Variants in SCN1A observed in about 807,000 individuals in gnomAD.
The protein encoded by SCN1A is sodium channel protein type 1 subunit alpha.
In SCN1A, 13 loss-of-function variants were observed where a neutral mutation model predicts 193.7. The observed-to-expected ratio is 0.07, with a 90% CI of 0.04 to 0.11. The LOEUF (loss-of-function observed/expected upper bound fraction) is 0.11. SCN1A is among the 10% of genes least tolerant of loss of function. The pLI, the probability that SCN1A is intolerant of heterozygous loss-of-function variation, is 1.00. For missense variants in SCN1A, 1,432 were observed against 2,451.1 expected, an observed-to-expected ratio of 0.58 and a Z score of 8.78; for synonymous variants, 781 against 843.6, an observed-to-expected ratio of 0.93 and a Z score of 1.29.
chr2:166,032,479 T>G (rs1337408619), intron 19 of SCN1A, among the ~76,000 whole-genome samples: 1 of 152,112 alleles, frequency 6.6e-6, no homozygotes, highest in Non-Finnish European at 1.5e-5. Context: ...ATCTCATAAT[T>G]TATGCCTTAC....
chr2:166,143,042 T>C (rs1012033372), intron 1 of SCN1A, among the ~76,000 whole-genome samples: 2 of 150,212 alleles, frequency 1.3e-5, no homozygotes, highest in Non-Finnish European at 2.9e-5. Context: ...ATGTCTTTAT[T>C]ACCAGCACAA....
chr2:166,039,286 GT>G, intron 17 of SCN1A, 136 bp downstream of exon 17: 1 of 854,032 alleles, frequency 1.2e-6, no homozygotes, highest in Non-Finnish European at 1.8e-6. Context: ...TGTAGGAAAA[GT>G]TTTTGACAAT....
At chr2:166,111,195 A>G (rs903251452) in intron 2 of SCN1A, among the ~76,000 whole-genome samples, 1 of 152,156 alleles carries the variant, frequency 6.6e-6, no homozygotes, top group Non-Finnish European at 1.5e-5. Flanking sequence ...GGAGAAGTCA[A>G]TGCTTGGCTT....
Position 166,073,551 on chromosome 2 carries a change from G to C in SCN1A, c.71C>G (p.Ala24Gly), listed in dbSNP as rs1489662325. The change falls in exon 4 of 29, where the codon GCT becomes GGT. Residue 24 changes from alanine to glycine, a missense_variant. Around this residue, in one of 18 missense-constraint regions of SCN1A, gnomAD observed 55 missense variants for 58.4 expected, o/e 0.94. Coordinates refer to ENST00000674923, the MANE Select transcript of SCN1A (RefSeq NM_001165963.4). Reference sequence around the variant, plus strand: ...TTCTTCTGCAATGCGTCTTTCAATAGCCGCAAGAGATTCTCTGGTGAAGAA... The same window carrying C: ...TTCTTCTGCAATGCGTCTTTCAATACCCGCAAGAGATTCTCTGGTGAAGAA... ...FNFFTRESLAAIERRIAEEKA... is the reference protein window; with the variant it reads ...FNFFTRESLAGIERRIAEEKA... The C allele has an allele frequency of 1.2e-6, 2 of 1,614,104 alleles. No homozygotes were observed. Among genetic ancestry groups the C allele is most frequent in the Non-Finnish European group, 1.7e-6 (2 of 1,180,008 alleles).
intron 2 of SCN1A, among the ~76,000 whole-genome samples, chr2:166,098,299 A>G (rs1412119030): frequency 6.6e-6 from 1 of 152,210 alleles, no homozygotes; most frequent in Non-Finnish European, 1.5e-5. Flanking sequence ...AGATGCGGAA[A>G]AGGCTTTCAA....
rs962007479 is a variant in SCN1A at position 166,076,024 on chromosome 2, G to A, written c.-50+1686C>T. ...TTCCTTCTATTTTTTTCAATCTATA[G>A]CATCTTTTAAGACAAAATATTAGCC... On this transcript the variant is annotated intron_variant, in intron 3 of 28. Coordinates refer to ENST00000674923, the MANE Select transcript of SCN1A (RefSeq NM_001165963.4). 7.9e-5 allele frequency among the ~76,000 whole-genome samples: 12 copies of A among 151,102 alleles called. No individual in the cohort carries two copies. The East Asian group carries it at 9.7e-4, about 12-fold the overall frequency.
At chr2:166,123,555 T>G (rs1274737183) in intron 2 of SCN1A, 1 of 152,268 alleles carries the variant, frequency 6.6e-6, no homozygotes, top group East Asian at 1.9e-4. Flanking sequence ...GATCTGTAAC[T>G]GACTGTGAAC....
Position 166,041,478 on chromosome 2 carries a change from AG to A in SCN1A, c.2177-10del, listed in dbSNP as rs371522566. On this transcript the variant is annotated splice_polypyrimidine_tract_variant and intron_variant, in intron 15 of 28. Transcript: ENST00000674923. ...CCTGGATTCTTCAAGTTCTAGATTA[AG>A]AAAAAAAAAAAAAAGAACCACCAAA... 1.8e-5 allele frequency: 25 copies of A among 1,395,100 alleles called. No homozygotes were observed. Among genetic ancestry groups the A allele is most frequent in the Admixed American group, 2.0e-5 (1 of 49,174 alleles). 86.4% of individuals were successfully genotyped at this position (1,395,100 alleles called of 1,614,324 possible).
intron 1 of SCN1A, among the ~76,000 whole-genome samples, chr2:166,133,028 A>G (rs1256409915): frequency 6.6e-6 from 1 of 152,210 alleles, no homozygotes; most frequent in Non-Finnish European, 1.5e-5. Context: ...TACACTATTT[A>G]AAATTTTATT....
At chr2:166,010,400 TAGAA>T (rs1692270804) in intron 22 of SCN1A, among the ~76,000 whole-genome samples, 2 of 151,232 alleles carry the variant, frequency 1.3e-5, no homozygotes, top group South Asian at 4.1e-4. Context: ...ATAAGTAACT[TAGAA>T]AGAAATTCCA....
chr2:166,058,531 T>C (rs1264169336), intron 5 of SCN1A, 39 bp downstream of exon 5: 1 of 1,160,978 alleles, frequency 8.6e-7, no homozygotes, highest in Non-Finnish European at 1.3e-6. Context: ...TTACAGATCA[T>C]GTACAAATAG....
At chr2:166,056,274 A>G in intron 6 of SCN1A, 137 bp downstream of exon 6, 1 of 663,794 alleles carries the variant, frequency 1.5e-6, no homozygotes, top group Non-Finnish European at 2.7e-6. Context: ...GCCAATGAGC[A>G]TTGTCCTCTT....
At chr2:166,052,416 A>G (rs1698670337) in intron 8 of SCN1A, among the ~76,000 whole-genome samples, 1 of 152,010 alleles carries the variant, frequency 6.6e-6, no homozygotes, top group Non-Finnish European at 1.5e-5. Flanking sequence ...GGTCTGCAGT[A>G]TAATTGTGCC....
intron 25 of SCN1A, 45 bp downstream of exon 25, chr2:165,999,678 C>A (rs969579739): frequency 7.7e-7 from 1 of 1,298,826 alleles, no homozygotes; most frequent in Non-Finnish European, 1.1e-6. Context: ...AATTTTACCA[C>A]CTGATCAATA....
chr2:166,081,208 A>G (rs1027282392), intron 2 of SCN1A, among the ~76,000 whole-genome samples: 6 of 152,010 alleles, frequency 3.9e-5, no homozygotes, highest in Admixed American at 6.6e-5. Flanking sequence ...ATCCTAACCC[A>G]TGAAGCCTTA....
intron 2 of SCN1A, among the ~76,000 whole-genome samples, chr2:166,120,597 T>TTTTTTTTTTTCTC (rs1491502430): frequency 3.6e-3 from 16 of 4,456 alleles, no homozygotes; most frequent in African/African-American, 0.016. Context: ...TTCTTTTCTC[T>TTTTTTTTTTTCTC]TTTTTTTTTT....
intron 2 of SCN1A, chr2:166,109,575 T>A (rs1439840972): frequency 6.6e-6 from 1 of 152,362 alleles, no homozygotes; most frequent in Non-Finnish European, 1.5e-5. Context: ...CAGCATGTGC[T>A]CACTTCGTGT....
chr2:166,040,506 CTT>C (rs1468043652), intron 16 of SCN1A, among the ~76,000 whole-genome samples: 1 of 152,114 alleles, frequency 6.6e-6, no homozygotes, highest in East Asian at 1.9e-4. Flanking sequence ...ATGCATGATG[CTT>C]TTGTTTTCTA....
At chr2:166,031,976 T>C (rs1695620348) in intron 19 of SCN1A, among the ~76,000 whole-genome samples, 1 of 152,078 alleles carries the variant, frequency 6.6e-6, no homozygotes, top group Non-Finnish European at 1.5e-5. Context: ...AAATATTTAG[T>C]GTATGAAGAA....
Sources: allele counts gnomAD v4.1 joint callset (sites outside exome capture counted in the v4.1 genomes callset), GRCh38; gene constraint gnomAD v4.1.1; regional missense constraint gnomAD v4.1.1; transcripts MANE v1.5; gene names NCBI Gene and HGNC (gene_info 2026-07-23, HGNC 2026-07-21).